The following RBM38 variants were observed in gnomAD, a reference collection of about 807,000 sequenced individuals.
RBM38 encodes RNA-binding protein 38.
A neutral mutation model predicts 23.5 loss-of-function variants in RBM38; 11 were observed. The ratio of observed to expected loss-of-function variants is 0.47; its 90% CI spans 0.29 to 0.77. The LOEUF (loss-of-function observed/expected upper bound fraction) is 0.77. RBM38 is among the 30% of genes least tolerant of loss of function. The pLI is 0.08. For missense variants in RBM38, 330 were observed against 351.9 expected (o/e 0.94, Z 0.50); for synonymous variants, 165 against 166.1 (o/e 0.99, Z 0.05).
intron 3 of RBM38, among the ~76,000 whole-genome samples, chr20:57,405,071 C>T (rs900330704): frequency 2.0e-5 from 3 of 152,232 alleles, no homozygotes; most frequent in Non-Finnish European, 4.4e-5. Context: ...ATGCTGCTCC[C>T]CTGTGGCCAG....
chr20:57,399,129 G>A (rs927031490), intron 3 of RBM38, among the ~76,000 whole-genome samples: 1 of 152,236 alleles, frequency 6.6e-6, no homozygotes, highest in Admixed American at 6.5e-5. Context: ...GGCGACAGGA[G>A]CTGGGGAGGG....
At position 57,407,103 on chromosome 20, in the gene RBM38, A is replaced by G. The variant is rs2067393410; in HGVS notation, c.417-440A>G. Among the ~76,000 whole-genome samples, 2 of 151,710 alleles carry G rather than the reference A, an allele frequency of 1.3e-5. No homozygotes were observed. Among genetic ancestry groups the G allele is most frequent in the South Asian group, 4.2e-4 (2 of 4,798 alleles). The stretch of plus-strand genomic sequence containing the variant: ...ACTTGGTGGGTGTTGAGTGTCAGGG[A>G]GATGAGCAGGGAAGGGGGACAGGGC... On this transcript the variant is annotated intron_variant, in intron 3 of 3. Transcript: ENST00000356208. This position sits in a 1 kb window ranked among gnomAD's most constrained non-coding sequence, Gnocchi z 4.0.
chr20:57,401,004 C>T lies in RBM38; in HGVS notation c.417-6539C>T, dbSNP rs190913297. Among the ~76,000 whole-genome samples, 7 of 152,314 alleles carry T rather than the reference C, an allele frequency of 4.6e-5. No homozygotes were observed. In the East Asian group the frequency reaches 1.2e-3, roughly 25 times the overall value. On this transcript the variant is annotated intron_variant, in intron 3 of 3. Coordinates refer to ENST00000356208, the MANE Select transcript of RBM38 (RefSeq NM_017495.6). ...GCAAGTGCCGTGTGCCCAAAGAGGC[C>T]GGTGGGCCCTGGCCAAACAGGAGCA...
chr20:57,397,562 T>TA (rs1230142565), intron 3 of RBM38, among the ~76,000 whole-genome samples: 6 of 152,198 alleles, frequency 3.9e-5, no homozygotes, highest in African/African-American at 1.2e-4. Flanking sequence ...TGGCTGCCCT[T>TA]ACCATCACGG....
intron 3 of RBM38, among the ~76,000 whole-genome samples, chr20:57,405,597 CCA>C (rs2146219553): frequency 6.6e-6 from 1 of 152,342 alleles, no homozygotes; most frequent in East Asian, 1.9e-4. Context: ...TAGAAACTTC[CCA>C]CACACTTCCC....
In RBM38 at chr20:57,405,968, T is replaced by C. The variant is rs145285918; in HGVS notation, c.417-1575T>C. Among the ~76,000 whole-genome samples, 68 of 152,314 alleles carry C rather than the reference T, an allele frequency of 4.5e-4. 1 individual carries two copies. In the East Asian group the frequency reaches 0.011, roughly 26 times the overall value. On this transcript the variant is annotated intron_variant, in intron 3 of 3. Transcript: ENST00000356208. ...GAATGCAGGGAAGGATGTTGTACTT[T>C]TTCTCCAGAGCTGCTTCCCTTGAGG... is the stretch of plus-strand genomic sequence containing the variant.
intron 2 of RBM38, chr20:57,393,056 T>G (rs1244803075): frequency 9.2e-6 from 6 of 649,076 alleles, no homozygotes; most frequent in Non-Finnish European, 1.6e-5. Context: ...GCCTGGAGGT[T>G]GGGAGTGCCG....
In RBM38 at chr20:57,403,267, C is replaced by T. The variant is rs6070095; in HGVS notation, c.417-4276C>T. Among the ~76,000 whole-genome samples the T allele has an allele frequency of 1.4e-3, 212 of 152,330 alleles. 1 individual carries two copies. Among genetic ancestry groups the T allele is most frequent in the Non-Finnish European group, 2.0e-3 (139 of 68,030 alleles). ...ACCCAACTTACAGATGAGGAAACTGCGCCTTGGAAGTTTTGAAACCTGTTT... is the reference window on the plus strand; with the variant it reads ...ACCCAACTTACAGATGAGGAAACTGTGCCTTGGAAGTTTTGAAACCTGTTT... On this transcript the variant is annotated intron_variant, in intron 3 of 3. Transcript: ENST00000356208.
chr20:57,392,618 C>T (rs1019073278), intron 1 of RBM38, 36 bp from the exon 2 acceptor site: 10 of 1,590,690 alleles, frequency 6.3e-6, no homozygotes, highest in Non-Finnish European at 7.7e-6. Context: ...CCTGGTTCCC[C>T]CCACGGCAGC....
At position 57,407,150 on chromosome 20, in the gene RBM38, A is replaced by G. The variant is rs2067393872; in HGVS notation, c.417-393A>G. ...GGGCTGGCCTCCCAGACATGCAACC[A>G]GGACATTCGTACCGGGCCCTGCTCT... On this transcript the variant is annotated intron_variant, in intron 3 of 3. Coordinates refer to ENST00000356208, the MANE Select transcript of RBM38 (RefSeq NM_017495.6). The surrounding 1 kb of genome is among the most constrained non-coding windows in gnomAD (Gnocchi z 4.0). 6.6e-6 allele frequency among the ~76,000 whole-genome samples: 1 copy of G among 152,218 alleles called. No homozygotes were observed. Among genetic ancestry groups the G allele is most frequent in the Non-Finnish European group, 1.5e-5 (1 of 68,038 alleles).
At chr20:57,397,587 C>T (rs969730828) in intron 3 of RBM38, among the ~76,000 whole-genome samples, 5 of 152,174 alleles carry the variant, frequency 3.3e-5, no homozygotes, top group Admixed American at 1.3e-4. Context: ...TTGGTGTGTG[C>T]ACACCACGGG....
chr20:57,403,027 C>T (rs2067344955), intron 3 of RBM38, among the ~76,000 whole-genome samples: 1 of 152,220 alleles, frequency 6.6e-6, no homozygotes, highest in Non-Finnish European at 1.5e-5. Flanking sequence ...GCACCCTGAG[C>T]ATTGTAGGAA....
intron 3 of RBM38, among the ~76,000 whole-genome samples, chr20:57,401,464 C>T (rs979623657): frequency 6.6e-6 from 1 of 152,198 alleles, no homozygotes; most frequent in Admixed American, 6.5e-5. Context: ...GGACTCTTGG[C>T]CTGGGAAGCA....
At chr20:57,392,952 A>C in intron 2 of RBM38, 175 bp downstream of exon 2, 1 of 875,564 alleles carries the variant, frequency 1.1e-6, no homozygotes, top group Non-Finnish European at 1.7e-6. Flanking sequence ...ACCCCTTCTC[A>C]CAGCGTGTGG....
At position 57,407,912 on chromosome 20, in the gene RBM38, G is replaced by A; in HGVS notation, c.*66G>A. 1.3e-6 allele frequency: 2 copies of A among 1,488,752 alleles called. No individual in the cohort carries two copies. Among genetic ancestry groups the A allele is most frequent in the South Asian group, 2.6e-5 (2 of 76,990 alleles). The allele number at this position is 1,488,752 out of a possible 1,614,324, so 92.2% of individuals were successfully genotyped here. A position where few individuals can be genotyped will look rare whatever the true frequency, so the allele number is the denominator to read the frequency against. On this transcript the variant is annotated 3_prime_UTR_variant, in exon 4 of 4. Coordinates refer to ENST00000356208, the MANE Select transcript of RBM38 (RefSeq NM_017495.6). This position sits in a 1 kb window ranked among gnomAD's most constrained non-coding sequence, Gnocchi z 4.0. Reference sequence around the variant, plus strand: ...ACAGCAGACAGAGCTGCCAGGCCATGATGGGCTGGCGACAGCCCGGCTGAG... The same window carrying A: ...ACAGCAGACAGAGCTGCCAGGCCATAATGGGCTGGCGACAGCCCGGCTGAG...
At chr20:57,397,667 G>A (rs1555277) in intron 3 of RBM38, among the ~76,000 whole-genome samples, 4,032 of 152,324 alleles carry the variant, frequency 0.026, 187 homozygotes, top group African/African-American at 0.091. Flanking sequence ...GAAGATGTCT[G>A]TCTCCTTGAG....
chr20:57,405,201 C>T (rs183891885), intron 3 of RBM38, among the ~76,000 whole-genome samples: 3 of 152,238 alleles, frequency 2.0e-5, no homozygotes, highest in African/African-American at 7.2e-5. Flanking sequence ...CTGAGCCCCC[C>T]ACTCTGGTTT....
Position 57,392,604 on chromosome 20 carries a change from C to T in RBM38, c.238-50C>T, listed in dbSNP as rs755941375. ...CCAGGGCGGAGCCGTCTGCCCCTTT[C>T]GCCCCTGGTTCCCCCCACGGCAGCC... On this transcript the variant is annotated intron_variant, in intron 1 of 3. Transcript: ENST00000356208. 5.1e-6 allele frequency: 8 copies of T among 1,571,132 alleles called. No individual in the cohort carries two copies. In the East Asian group the frequency reaches 9.2e-5, roughly 18 times the overall value.
At position 57,391,686 on chromosome 20, in the gene RBM38, G is replaced by A. The variant is rs772538177; in HGVS notation, c.105G>A (p.Lys35=). 6 of 1,515,524 alleles carry A rather than the reference G, an allele frequency of 4.0e-6. No homozygotes were observed. Among genetic ancestry groups the A allele is most frequent in the African/African-American group, 1.4e-5 (1 of 70,056 alleles). 93.9% of individuals were successfully genotyped at this position (1,515,524 alleles called of 1,614,324 possible). ...HGSQKDTTFT[K]IFVGGLPYHT... Reference sequence around the variant, plus strand: ...CGCAGAAGGACACCACGTTCACCAAGATCTTCGTGGGCGGCCTGCCGTACC... The same window carrying A: ...CGCAGAAGGACACCACGTTCACCAAAATCTTCGTGGGCGGCCTGCCGTACC... The change falls in exon 1 of 4, where the codon AAG becomes AAA. Residue 35 remains lysine, a synonymous_variant. Coordinates refer to ENST00000356208, the MANE Select transcript of RBM38 (RefSeq NM_017495.6).
Sources: allele counts gnomAD v4.1 joint callset (sites outside exome capture counted in the v4.1 genomes callset), GRCh38; gene constraint gnomAD v4.1.1; non-coding constraint Gnocchi (gnomAD v3.1); transcripts MANE v1.5; gene names NCBI Gene and HGNC (gene_info 2026-07-23, HGNC 2026-07-21).